RBKS: variants seen among roughly 807,000 people sequenced by gnomAD.
RBKS encodes the protein ribokinase.
Under a neutral mutation model 33.9 loss-of-function variants are expected in RBKS, and 33 were observed. That is an observed-to-expected ratio of 0.97 (90% CI 0.74 to 1.30). The LOEUF (loss-of-function observed/expected upper bound fraction) is 1.30, where lower values mean the gene tolerates loss of function less well. Among genes scored for constraint, RBKS ranks in the 50% most tolerant of loss-of-function variants. The pLI, the probability that RBKS is intolerant of heterozygous loss-of-function variation, is 0.00. For missense variants in RBKS, 361 were observed against 392.6 expected, an observed-to-expected ratio of 0.92 and a Z score of 0.68; for synonymous variants, 125 against 143.0, an observed-to-expected ratio of 0.87 and a Z score of 0.90.
chr2:27,790,903 G>A (rs891482724), intron 7 of RBKS, among the ~76,000 whole-genome samples: 2 of 152,138 alleles, frequency 1.3e-5, no homozygotes, highest in African/African-American at 2.4e-5. Context: ...ATAAAACCCA[G>A]CAATTCTATT....
chr2:27,829,395 GTC>G (rs1678378810), intron 6 of RBKS, among the ~76,000 whole-genome samples: 1 of 132,608 alleles, frequency 7.5e-6, no homozygotes, highest in Non-Finnish European at 1.6e-5. Context: ...TGAGACAAGA[GTC>G]TTGCTCTGTC....
At chr2:27,861,350 A>AGCAGGGGGAGACTG (rs1219647032) in intron 1 of RBKS, 1 of 409,418 alleles carries the variant, frequency 2.4e-6, no homozygotes, top group East Asian at 7.3e-5. Context: ...TGATTAGGGA[A>AGCAGGGGGAGACTG]GCAGGGGGAG....
chr2:27,818,131 G>T (rs1005875652), intron 7 of RBKS, among the ~76,000 whole-genome samples: 1 of 152,132 alleles, frequency 6.6e-6, no homozygotes, highest in Non-Finnish European at 1.5e-5. Flanking sequence ...ACGCTACCTG[G>T]TACCTAAATG....
At chr2:27,871,724 A>T (rs892859315) in intron 1 of RBKS, among the ~76,000 whole-genome samples, 3 of 152,228 alleles carry the variant, frequency 2.0e-5, no homozygotes, top group Non-Finnish European at 2.9e-5. Context: ...ACTGAAGTAC[A>T]TCAACTCACT....
intron 7 of RBKS, among the ~76,000 whole-genome samples, chr2:27,797,753 GAATCAAA>G (rs1558535227): frequency 6.6e-6 from 1 of 152,118 alleles, no homozygotes; most frequent in Non-Finnish European, 1.5e-5. Flanking sequence ...GGGTACAAAG[GAATCAAA>G]GGTTTCAGGA....
At chr2:27,823,128 G>C (rs1215976465) in intron 7 of RBKS, among the ~76,000 whole-genome samples, 1 of 152,152 alleles carries the variant, frequency 6.6e-6, no homozygotes, top group Non-Finnish European at 1.5e-5. Context: ...GAAGAAGAGA[G>C]GGCGGACATG....
At chr2:27,874,502 C>CACGTCGTCAAGAGTG (rs1222292665) in intron 1 of RBKS, among the ~76,000 whole-genome samples, 1 of 152,208 alleles carries the variant, frequency 6.6e-6, no homozygotes, top group East Asian at 1.9e-4. Context: ...TGTGACACAA[C>CACGTCGTCAAGAGTG]ACGTCGTCAA....
intron 7 of RBKS, among the ~76,000 whole-genome samples, chr2:27,800,143 C>G (rs1677747180): frequency 6.6e-6 from 1 of 151,078 alleles, no homozygotes; most frequent in Admixed American, 6.6e-5. Flanking sequence ...GCCTCAACCT[C>G]CTGGGCCCAA....
At chr2:27,803,796 C>T (rs1245213607) in intron 7 of RBKS, among the ~76,000 whole-genome samples, 1 of 152,016 alleles carries the variant, frequency 6.6e-6, no homozygotes, top group Non-Finnish European at 1.5e-5. Context: ...CCTGTAATCC[C>T]AGCACTTTGG....
intron 7 of RBKS, among the ~76,000 whole-genome samples, chr2:27,800,714 G>C (rs899304797): frequency 6.6e-6 from 1 of 152,154 alleles, no homozygotes; most frequent in African/African-American, 2.4e-5. Flanking sequence ...GAGACAAGGG[G>C]TTTATGCTGT....
chr2:27,789,951 A>ATATATATATATATATATATATG (rs1677485868), intron 7 of RBKS, among the ~76,000 whole-genome samples: 3 of 111,398 alleles, frequency 2.7e-5, no homozygotes, highest in African/African-American at 7.4e-5. Context: ...GTATATGTGT[A>ATATATATATATATATATATATG]TATATATATA....
chr2:27,876,145 A>G (rs1664311551), intron 1 of RBKS, among the ~76,000 whole-genome samples: 1 of 152,230 alleles, frequency 6.6e-6, no homozygotes, highest in Non-Finnish European at 1.5e-5. Flanking sequence ...GTATATACTC[A>G]AAAGAACTGA....
chr2:27,791,542 A>G (rs537896755), intron 7 of RBKS, among the ~76,000 whole-genome samples: 1 of 151,786 alleles, frequency 6.6e-6, no homozygotes, highest in East Asian at 1.9e-4. Flanking sequence ...TGGCTTTCCT[A>G]GTTCTCCATC....
At chr2:27,790,732 T>G (rs1677506225) in intron 7 of RBKS, among the ~76,000 whole-genome samples, 1 of 152,224 alleles carries the variant, frequency 6.6e-6, no homozygotes, top group Non-Finnish European at 1.5e-5. Flanking sequence ...TGGCATTATA[T>G]ACCTAGTACA....
intron 1 of RBKS, among the ~76,000 whole-genome samples, chr2:27,860,812 C>T (rs1663959512): frequency 6.6e-6 from 1 of 152,122 alleles, no homozygotes; most frequent in Non-Finnish European, 1.5e-5. Context: ...TCTTTCTTCC[C>T]TTAACTGTAG....
chr2:27,824,265 T>C (rs1678271206), intron 7 of RBKS, among the ~76,000 whole-genome samples: 2 of 152,218 alleles, frequency 1.3e-5, no homozygotes, highest in Non-Finnish European at 2.9e-5. Flanking sequence ...TTAACATAAA[T>C]AACTCAGTGC....
At chr2:27,851,053 T>C (rs774759086) in intron 2 of RBKS, among the ~76,000 whole-genome samples, 1 of 152,190 alleles carries the variant, frequency 6.6e-6, no homozygotes, top group Non-Finnish European at 1.5e-5. Context: ...CTCTGAACTA[T>C]ACTTCTGAAC....
At chr2:27,875,938 G>C (rs1024712733) in intron 1 of RBKS, among the ~76,000 whole-genome samples, 1 of 152,134 alleles carries the variant, frequency 6.6e-6, no homozygotes, top group Non-Finnish European at 1.5e-5. Flanking sequence ...TTACAAATGG[G>C]AGACGAAACA....
intron 5 of RBKS, among the ~76,000 whole-genome samples, chr2:27,840,828 C>T (rs1299386723): frequency 6.6e-6 from 1 of 152,132 alleles, no homozygotes; most frequent in Non-Finnish European, 1.5e-5. Context: ...ATGACTTAAC[C>T]TCTCAGTCTC....
Sources: gnomAD v4.1 joint callset for allele counts (sites outside exome capture counted in the v4.1 genomes callset) on GRCh38, gnomAD v4.1.1 for gene constraint, MANE v1.5 for transcripts, NCBI Gene and HGNC (gene_info 2026-07-23, HGNC 2026-07-21) for gene names.